The following ELAVL2 variants were observed in gnomAD, a reference collection of about 807,000 sequenced individuals.
ELAVL2 encodes ELAV-like protein 2.
ELAVL2 carries 4 observed loss-of-function variants against 34.6 expected under a neutral mutation model. The observed-to-expected ratio is 0.12, with a 90% CI of 0.06 to 0.26. The LOEUF is 0.26. ELAVL2 is among the 10% of genes least tolerant of loss of function. The pLI, the probability that ELAVL2 is intolerant of heterozygous loss-of-function variation, is 1.00. For synonymous variants in ELAVL2, 193 were observed against 154.8 expected, an observed-to-expected ratio of 1.25 and a Z score of -1.83; for missense variants, 432 against 442.8, an observed-to-expected ratio of 0.98 and a Z score of 0.22.
chr9:23,768,794 GA>G (rs2056790867), intron 1 of ELAVL2, among the ~76,000 whole-genome samples: 1 of 152,136 alleles, frequency 6.6e-6, no homozygotes, highest in Non-Finnish European at 1.5e-5. Flanking sequence ...CCAACTTCAG[GA>G]AAATGGCAAA....
At chr9:23,824,680 A>G (rs923208526) in intron 1 of ELAVL2, among the ~76,000 whole-genome samples, 6 of 151,790 alleles carry the variant, frequency 4.0e-5, no homozygotes, top group African/African-American at 9.7e-5. Context: ...CCCCTTTCCC[A>G]CATCTACCCT....
intron 1 of ELAVL2, among the ~76,000 whole-genome samples, chr9:23,800,128 G>C (rs560119504): frequency 6.6e-6 from 1 of 152,198 alleles, no homozygotes; most frequent in African/African-American, 2.4e-5. Flanking sequence ...TCAAAAATGA[G>C]AAAAGAAAGT....
chr9:23,813,410 G>A (rs971999821), intron 1 of ELAVL2, among the ~76,000 whole-genome samples: 2 of 146,278 alleles, frequency 1.4e-5, no homozygotes, highest in Non-Finnish European at 3.0e-5. Flanking sequence ...GTCTCATATC[G>A]GCTTTTTTTT....
intron 2 of ELAVL2, among the ~76,000 whole-genome samples, chr9:23,746,294 A>C (rs919972631): frequency 1.3e-5 from 2 of 152,202 alleles, no homozygotes; most frequent in African/African-American, 4.8e-5. Flanking sequence ...AGACCAATAC[A>C]AAATTAATAA....
chr9:23,697,049 C>G (rs1167418204), intron 5 of ELAVL2, among the ~76,000 whole-genome samples: 1 of 152,068 alleles, frequency 6.6e-6, no homozygotes, highest in Non-Finnish European at 1.5e-5. Context: ...GAGCAATCAT[C>G]GAAGGGGAGA....
intron 2 of ELAVL2, among the ~76,000 whole-genome samples, chr9:23,754,010 A>T (rs2052863609): frequency 2.6e-5 from 4 of 152,190 alleles, no homozygotes; most frequent in Admixed American, 2.6e-4. Flanking sequence ...TTCCTCTGAT[A>T]AGGGCTAGGA....
chr9:23,695,501 G>A (rs62539992), intron 5 of ELAVL2, among the ~76,000 whole-genome samples: 24,253 of 152,100 alleles, frequency 0.16, 2,200 homozygotes, highest in South Asian at 0.35. Flanking sequence ...GTGAATTACC[G>A]TCAGGCCTTT....
upstream of ELAVL2, among the ~76,000 whole-genome samples, chr9:23,827,655 G>T (rs968875895): frequency 6.6e-6 from 1 of 152,030 alleles, no homozygotes; most frequent in South Asian, 2.1e-4. Flanking sequence ...TGAGAATGCC[G>T]GAAAAAGAAG....
intron 1 of ELAVL2, among the ~76,000 whole-genome samples, chr9:23,817,032 C>G (rs1229660774): frequency 4.0e-5 from 6 of 151,694 alleles, no homozygotes; most frequent in Non-Finnish European, 7.4e-5. Context: ...TAAAGCAAAA[C>G]CTTCACTGTG....
chr9:23,758,637 A>G (rs2135885738), intron 2 of ELAVL2, among the ~76,000 whole-genome samples: 1 of 152,272 alleles, frequency 6.6e-6, no homozygotes, highest in African/African-American at 2.4e-5. Flanking sequence ...ACCAGTTAAC[A>G]ACAAATGATT....
In ELAVL2 at chr9:23,731,117, A is replaced by G; in HGVS notation, c.238T>C (p.Leu80=). 1 of 1,612,068 alleles carries G rather than the reference A, an allele frequency of 6.2e-7. No individual in the cohort carries two copies. The highest frequency in any genetic ancestry group is 8.5e-7 in the Non-Finnish European group (1 of 1,179,038). ...ATGTAGTTCACAAAGCCATATCCCA[A>G]GCTCTGCCCTAATGAAAAGGAAGGG... ...LVRDKITGQS[L]GYGFVNYIDP... is the part of the protein sequence containing the mutation. Residue 80 remains leucine (L), a synonymous_variant, in exon 3 of 7, where the codon TTG becomes CTG. Coordinates refer to ENST00000397312, the MANE Select transcript of ELAVL2 (RefSeq NM_004432.5).
chr9:23,717,752 C>G (rs959283341), intron 3 of ELAVL2, among the ~76,000 whole-genome samples: 1 of 152,276 alleles, frequency 6.6e-6, no homozygotes, highest in African/African-American at 2.4e-5. Flanking sequence ...TAAGTGCTGT[C>G]TCCCTTACTA....
the ELAVL2 span, chr9:23,831,667 C>G: frequency 6.6e-6 from 1 of 152,216 alleles, no homozygotes; most frequent in East Asian, 1.9e-4. Context: ...AGATCCTGCT[C>G]CATTCTATCT....
chr9:23,711,333 A>G (rs546265439), intron 3 of ELAVL2, among the ~76,000 whole-genome samples: 1 of 152,334 alleles, frequency 6.6e-6, no homozygotes, highest in East Asian at 1.9e-4. Flanking sequence ...AGACTAAACA[A>G]TTGCTTTAAT....
chr9:23,775,673 T>C lies in ELAVL2; in HGVS notation c.-15-13424A>G, dbSNP rs142313004. ...ATGAAGTAACATCTCAGCTCCCTAG[T>C]GAGGCAGCTGACTTGACCGAGCTCC... On this transcript the variant is annotated intron_variant, in intron 1 of 6. Transcript: ENST00000397312. 4.5e-3 allele frequency among the ~76,000 whole-genome samples: 685 copies of C among 152,248 alleles called. 5 individuals are homozygous for C. Among genetic ancestry groups the C allele is most frequent in the African/African-American group, 0.015 (624 of 41,558 alleles).
intron 1 of ELAVL2, among the ~76,000 whole-genome samples, chr9:23,824,232 C>A (rs919186031): frequency 6.6e-6 from 1 of 152,212 alleles, no homozygotes; most frequent in African/African-American, 2.4e-5. Context: ...TATCCAACCT[C>A]CAATTTGTCA....
At chr9:23,714,460 T>G (rs1239560002) in intron 3 of ELAVL2, among the ~76,000 whole-genome samples, 1 of 152,156 alleles carries the variant, frequency 6.6e-6, no homozygotes, top group African/African-American at 2.4e-5. Flanking sequence ...GCAGCCTGGA[T>G]GGAGGGAACA....
At chr9:23,736,573 A>AG (rs1230443666) in intron 2 of ELAVL2, among the ~76,000 whole-genome samples, 20 of 152,142 alleles carry the variant, frequency 1.3e-4, no homozygotes, top group Admixed American at 1.3e-3. Flanking sequence ...TGAAGGAACT[A>AG]GCTCAAGTCT....
intron 1 of ELAVL2, among the ~76,000 whole-genome samples, chr9:23,776,712 C>T (rs36082487): frequency 2.7e-5 from 4 of 147,050 alleles, no homozygotes; most frequent in South Asian, 4.3e-4. Context: ...CCCTTCTCTA[C>T]CTGACCTATG....
Sources: gnomAD v4.1 joint callset for allele counts (sites outside exome capture counted in the v4.1 genomes callset) on GRCh38, gnomAD v4.1.1 for gene constraint, MANE v1.5 for transcripts, NCBI Gene and HGNC (gene_info 2026-07-23, HGNC 2026-07-21) for gene names.